The following PRAG1 variants were observed in gnomAD, a reference collection of about 807,000 sequenced individuals.
PRAG1 encodes the protein inactive tyrosine-protein kinase PRAG1.
In PRAG1, 110 loss-of-function variants were observed where a neutral mutation model predicts 95.6. The observed-to-expected ratio is 1.15, with a 90% confidence interval of 0.99 to 1.35. PRAG1 has a LOEUF of 1.35. Among genes scored for constraint, PRAG1 ranks in the 40% most tolerant of loss-of-function variants. The pLI, the probability that PRAG1 is intolerant of heterozygous loss-of-function variation, is 0.00. For synonymous variants in PRAG1, 1,052 were observed against 819.4 expected (o/e 1.28, Z -4.85); for missense variants, 2,554 against 1,864.7 (o/e 1.37, Z -6.81).
Position 8,318,944 on chromosome 8 carries a change from C to G in PRAG1, c.3431G>C (p.Arg1144Pro), listed in dbSNP as rs1174542827. ...CAGCAGGTTCTCCAGGCACAGGTCC[C>G]GGTGGATGATCCCGTGCTCCTTCAG... The part of the protein sequence containing the change: ...EHLKEHGIIH[R>P]DLCLENLLLV... The change falls in exon 6 of 6, where the codon CGG becomes CCG. Residue 1144 changes from arginine (R) to proline (P), a missense_variant. Physicochemically the swap from Arg to Pro is moderately radical, Grantham distance 103. Transcript: ENST00000615670. This position sits in a 1 kb window ranked among gnomAD's most constrained non-coding sequence, Gnocchi z 4.2. The G allele has an allele frequency of 1.6e-5, 26 of 1,612,422 alleles. No homozygotes were observed. Among genetic ancestry groups the G allele is most frequent in the African/African-American group, 2.7e-5 (2 of 74,854 alleles).
At position 8,318,651 on chromosome 8, in the gene PRAG1, C is replaced by T; in HGVS notation, c.3724G>A (p.Glu1242Lys). ...CGGTACTGGGAAGCAGACACGATCT[C>T]GGGGGCCAGCCGGGCCTGGCTCTTC... ...QKKSQARLAP[E>K]IVSASQYRKF... Residue 1242 changes from glutamate to lysine, a missense_variant, in exon 6 of 6, where the codon GAG becomes AAG. Glu to Lys is a moderately conservative substitution (Grantham distance 56, BLOSUM62 1). Transcript: ENST00000615670. This position sits in a 1 kb window ranked among gnomAD's most constrained non-coding sequence, Gnocchi z 4.2. 1 of 1,612,086 alleles carries T rather than the reference C, an allele frequency of 6.2e-7. No homozygotes were observed. The highest frequency in any genetic ancestry group is 2.2e-5 in the East Asian group (1 of 44,820).
At chr8:8,341,540 T>A (rs1799163062) in intron 3 of PRAG1, among the ~76,000 whole-genome samples, 1 of 152,210 alleles carries the variant, frequency 6.6e-6, no homozygotes, top group Non-Finnish European at 1.5e-5. Flanking sequence ...TAAGGTTTTG[T>A]ATTTCAAAAT....
chr8:8,376,353 T>C lies in PRAG1; in HGVS notation c.2056A>G (p.Lys686Glu). Residue 686 changes from lysine to glutamate, a missense_variant, in exon 3 of 6, where the codon AAA (lysine) becomes GAA (glutamate). Lys to Glu is a moderately conservative substitution (Grantham distance 56). Transcript: ENST00000615670. ...GATTTGCTCATCCCGGTCCCAACTT[T>C]GCTGTTCTGCCCAGAGGAGCCATCT... ...PTDGSSGQNS[K>E]VGTGMSKSAS... The C allele has an allele frequency of 6.2e-7, 1 of 1,614,218 alleles. No homozygotes were observed. Among genetic ancestry groups the C allele is most frequent in the Non-Finnish European group, 8.5e-7 (1 of 1,180,036 alleles).
In PRAG1 at chr8:8,328,365, G is replaced by T; in HGVS notation, c.2417C>A (p.Pro806His). ...FPSGSTEDVS[P>H]SGPQQPPPLP... ...TGGAGGGGGCTGCTGGGGGCCACTG[G>T]GGGACACGTCCTCAGTGGAGCCTGA... The change falls in exon 5 of 6, where the codon CCC (proline) becomes CAC (histidine). Residue 806 changes from proline to histidine, a missense_variant. Transcript: ENST00000615670. The T allele has an allele frequency of 6.2e-7, 1 of 1,613,206 alleles. No individual in the cohort carries two copies. The highest frequency in any genetic ancestry group is 8.5e-7 in the Non-Finnish European group (1 of 1,179,538).
At chr8:8,349,930 TACACACACACAC>T (rs67536846) in intron 3 of PRAG1, among the ~76,000 whole-genome samples, 7 of 144,760 alleles carry the variant, frequency 4.8e-5, no homozygotes, top group Non-Finnish European at 9.1e-5. Flanking sequence ...GATAGGAAAA[TACACACACACAC>T]ACACACACAC....
intron 3 of PRAG1, among the ~76,000 whole-genome samples, chr8:8,343,632 G>A (rs1168614677): frequency 6.6e-6 from 1 of 152,160 alleles, no homozygotes; most frequent in Non-Finnish European, 1.5e-5. Context: ...AAAAATTACT[G>A]CTCTAGAATA....
intron 4 of PRAG1, among the ~76,000 whole-genome samples, chr8:8,338,712 T>G (rs1171708294): frequency 3.9e-5 from 6 of 152,222 alleles, no homozygotes; most frequent in African/African-American, 1.2e-4. Flanking sequence ...AAATTTGCAA[T>G]GGAACCCTCT....
rs1798322086 is a variant in PRAG1 at position 8,317,806 on chromosome 8, C to G, written c.*348G>C. The G allele has an allele frequency of 1.2e-5, 2 of 165,766 alleles. No homozygotes were observed. Among genetic ancestry groups the G allele is most frequent in the Non-Finnish European group, 2.5e-5 (2 of 79,086 alleles). 10.3% of individuals were successfully genotyped at this position (165,766 alleles called of 1,614,324 possible). On this transcript the variant is annotated 3_prime_UTR_variant, in exon 6 of 6. Transcript: ENST00000615670. ...TTTTTTTCTTTAAATAACAATTTGA[C>G]AAAAGGGTGAAGAAATCCTAAACAA...
At chr8:8,351,150 G>A (rs1474895318) in intron 3 of PRAG1, among the ~76,000 whole-genome samples, 1 of 152,166 alleles carries the variant, frequency 6.6e-6, no homozygotes, top group Non-Finnish European at 1.5e-5. Flanking sequence ...CGTATGGTGG[G>A]CTTCTGGGTA....
At chr8:8,350,913 TG>T (rs1799498899) in intron 3 of PRAG1, among the ~76,000 whole-genome samples, 6 of 151,762 alleles carry the variant, frequency 4.0e-5, no homozygotes, top group African/African-American at 1.5e-4. Context: ...GATGGATGGA[TG>T]GATGGATGGA....
At position 8,356,974 on chromosome 8, in the gene PRAG1, T is replaced by C. The variant is rs57535772; in HGVS notation, c.2163-17339A>G. Among the ~76,000 whole-genome samples, 651 of 152,222 alleles carry C rather than the reference T, an allele frequency of 4.3e-3. 4 individuals carry two copies. Among genetic ancestry groups the C allele is most frequent in the African/African-American group, 0.015 (604 of 41,536 alleles). On this transcript the variant is annotated intron_variant, in intron 3 of 5. Transcript: ENST00000615670. ...CGAATGGTGCTGGTAAAAGTGAATATCCACATGCAAAAAAATGAAAGTGGA... is the reference window on the plus strand; with the variant it reads ...CGAATGGTGCTGGTAAAAGTGAATACCCACATGCAAAAAAATGAAAGTGGA...
At chr8:8,366,056 G>C (rs1799992819) in intron 3 of PRAG1, among the ~76,000 whole-genome samples, 1 of 152,072 alleles carries the variant, frequency 6.6e-6, no homozygotes, top group Non-Finnish European at 1.5e-5. Flanking sequence ...GATAGAAACA[G>C]TAAATTGAAG....
At chr8:8,360,447 CA>C (rs1394802372) in intron 3 of PRAG1, among the ~76,000 whole-genome samples, 6 of 152,334 alleles carry the variant, frequency 3.9e-5, no homozygotes, top group Admixed American at 1.3e-4. Flanking sequence ...GAAAATCCTA[CA>C]GGTGTGGGTC....
Position 8,361,531 on chromosome 8 carries a change from G to T in PRAG1, c.2162+14716C>A, listed in dbSNP as rs145820372. ...ATGAGGCAATCTCTGACTCTTCCTT[G>T]TTCTCCTGTCCCCCTTCACCTGTTT... On this transcript the variant is annotated intron_variant, in intron 3 of 5. Coordinates refer to ENST00000615670, the MANE Select transcript of PRAG1 (RefSeq NM_001080826.3). 6.3e-3 allele frequency among the ~76,000 whole-genome samples: 956 copies of T among 152,256 alleles called. 7 individuals are homozygous for T. Among genetic ancestry groups the T allele is most frequent in the African/African-American group, 0.022 (905 of 41,530 alleles).
chr8:8,379,863 A>G (rs1800572838), intron 2 of PRAG1, among the ~76,000 whole-genome samples: 1 of 152,240 alleles, frequency 6.6e-6, no homozygotes, highest in Non-Finnish European at 1.5e-5. Flanking sequence ...ACCCTAGAAG[A>G]AAGCTGGTAA....
At chr8:8,325,599 A>G (rs941191131) in intron 5 of PRAG1, among the ~76,000 whole-genome samples, 1 of 152,176 alleles carries the variant, frequency 6.6e-6, no homozygotes, top group African/African-American at 2.4e-5. Context: ...GCACAGCACA[A>G]TTATTTATGT....
chr8:8,357,232 T>C (rs1021300192), intron 3 of PRAG1, among the ~76,000 whole-genome samples: 2 of 152,110 alleles, frequency 1.3e-5, no homozygotes, highest in Non-Finnish European at 2.9e-5. Flanking sequence ...ACATAATCAA[T>C]AGAGTGAAAA....
At chr8:8,321,800 G>T (rs1798479129) in intron 5 of PRAG1, among the ~76,000 whole-genome samples, 1 of 152,100 alleles carries the variant, frequency 6.6e-6, no homozygotes, top group South Asian at 2.1e-4. Flanking sequence ...AAGTTACAGG[G>T]GATTTTCATT....
At chr8:8,347,334 G>A (rs1049886219) in intron 3 of PRAG1, among the ~76,000 whole-genome samples, 1 of 152,178 alleles carries the variant, frequency 6.6e-6, no homozygotes, top group Admixed American at 6.5e-5. Context: ...AGAGCTCTCT[G>A]TTTCCCCTCA....
Sources: gnomAD v4.1 joint callset for allele counts (sites outside exome capture counted in the v4.1 genomes callset) on GRCh38, gnomAD v4.1.1 for gene constraint, Gnocchi (gnomAD v3.1) non-coding constraint, MANE v1.5 for transcripts, NCBI Gene and HGNC (gene_info 2026-07-23, HGNC 2026-07-21) for gene names.